Variants in FRAS1 observed in about 807,000 individuals in gnomAD.
FRAS1 encodes extracellular matrix organizing protein FRAS1.
Under a neutral mutation model 435.2 loss-of-function variants are expected in FRAS1, and 290 were observed. The ratio of observed to expected loss-of-function variants is 0.67; its 90% confidence interval spans 0.61 to 0.73. The LOEUF (loss-of-function observed/expected upper bound fraction) is 0.73. FRAS1 is among the 30% of genes least tolerant of loss of function. FRAS1 has a pLI of 0.00. For missense variants in FRAS1, 4,860 were observed against 5,001.5 expected (o/e 0.97, Z 0.85); for synonymous variants, 1,800 against 1,851.0 (o/e 0.97, Z 0.71).
At chr4:78,456,646 C>T (rs540722503) in intron 47 of FRAS1, among the ~76,000 whole-genome samples, 34 of 152,150 alleles carry the variant, frequency 2.2e-4, no homozygotes, top group Non-Finnish European at 3.7e-4. Context: ...TGGTTGTCAC[C>T]CTTAGGGTAC....
chr4:78,522,913 T>C, intron 69 of FRAS1, 105 bp downstream of exon 69: 1 of 1,051,738 alleles, frequency 9.5e-7, no homozygotes, highest in Non-Finnish European at 1.3e-6. Context: ...ACTTTTATTT[T>C]AAAAGGGGAA....
At chr4:78,118,732 C>T (rs1013372196) in intron 2 of FRAS1, among the ~76,000 whole-genome samples, 2 of 152,184 alleles carry the variant, frequency 1.3e-5, no homozygotes, top group Non-Finnish European at 2.9e-5. Context: ...CTTTCTTTGA[C>T]TAGGAAAGGG....
intron 10 of FRAS1, among the ~76,000 whole-genome samples, chr4:78,279,610 G>T (rs1727229418): frequency 6.6e-6 from 1 of 151,562 alleles, no homozygotes; most frequent in Non-Finnish European, 1.5e-5. Flanking sequence ...TTAGATGAGG[G>T]GCAAAACTCT....
chr4:78,317,774 A>G (rs917216882), intron 17 of FRAS1, among the ~76,000 whole-genome samples: 5 of 152,172 alleles, frequency 3.3e-5, no homozygotes, highest in Non-Finnish European at 7.4e-5. Flanking sequence ...AACAAACTAG[A>G]ACTCTTATTT....
chr4:78,205,935 T>G (rs1221708442), intron 2 of FRAS1, among the ~76,000 whole-genome samples: 3 of 152,042 alleles, frequency 2.0e-5, no homozygotes, highest in Non-Finnish European at 4.4e-5. Context: ...GTTGGGTTCT[T>G]GGACAGACCT....
intron 13 of FRAS1, 109 bp from the exon 14 acceptor site, chr4:78,286,296 T>G (rs773764744): frequency 8.1e-7 from 1 of 1,237,286 alleles, no homozygotes; most frequent in Non-Finnish European, 1.2e-6. Flanking sequence ...CATTTTCTGT[T>G]TGGGACCTGG....
At chr4:78,410,228 T>C (rs1357676018) in intron 31 of FRAS1, among the ~76,000 whole-genome samples, 1 of 152,168 alleles carries the variant, frequency 6.6e-6, no homozygotes, top group Non-Finnish European at 1.5e-5. Flanking sequence ...AAGTAGCTGC[T>C]CAAAATAATA....
intron 61 of FRAS1, among the ~76,000 whole-genome samples, chr4:78,501,596 G>T (rs56941652): frequency 0.33 from 49,830 of 151,786 alleles, 8,862 homozygotes; most frequent in South Asian, 0.52. Context: ...CATAAAAGCG[G>T]TCCTATTTCT....
rs190606464 is a variant in FRAS1 at position 78,378,013 on chromosome 4, C to T, written c.3293-1713C>T. Among the ~76,000 whole-genome samples, 128 of 152,172 alleles carry T rather than the reference C, an allele frequency of 8.4e-4. 1 individual carries two copies. The highest frequency in any genetic ancestry group is 2.8e-3 in the African/African-American group (118 of 41,468). On this transcript the variant is annotated intron_variant, in intron 26 of 73. Coordinates refer to ENST00000512123, the MANE Select transcript of FRAS1 (RefSeq NM_025074.7). ...CAAAGTTGTGCAACTATCACCACTA[C>T]CTATTTCCAAAACATTTTCATCACT...
In FRAS1 at chr4:78,267,237, C is replaced by G. The variant is rs921825906; in HGVS notation, c.790-4C>G. ...TGCCCCTCACCTTCCTCTCTGTGTCCTAGGGTCAGAGCAGGGCTCGGCGTC... is the reference window on the plus strand; with the variant it reads ...TGCCCCTCACCTTCCTCTCTGTGTCGTAGGGTCAGAGCAGGGCTCGGCGTC... On this transcript the variant is annotated splice_region_variant and splice_polypyrimidine_tract_variant and intron_variant, in intron 8 of 73. Transcript: ENST00000512123. 4 of 1,613,038 alleles carry G rather than the reference C, an allele frequency of 2.5e-6. No individual in the cohort carries two copies. The African/African-American group carries it at 5.3e-5, about 22-fold the overall frequency.
In FRAS1 at chr4:78,337,063, A is replaced by G. The variant is rs185974374; in HGVS notation, c.2279-611A>G. Among the ~76,000 whole-genome samples, 4 of 151,902 alleles carry G rather than the reference A, an allele frequency of 2.6e-5. No individual in the cohort carries two copies. In the East Asian group the frequency reaches 7.7e-4, roughly 29 times the overall value. On this transcript the variant is annotated intron_variant, in intron 19 of 73. Transcript: ENST00000512123. ...CTTTGGCATAACTTTGTCTCTAAGG[A>G]ATTGAACTTCAGAGGCAGCTCACGA...
intron 2 of FRAS1, among the ~76,000 whole-genome samples, chr4:78,165,877 G>A (rs1439860225): frequency 1.3e-5 from 2 of 152,114 alleles, no homozygotes; most frequent in African/African-American, 4.8e-5. Context: ...AGACACATAC[G>A]AGGCCTCTTG....
At chr4:78,444,590 C>T (rs565115465) in intron 41 of FRAS1, among the ~76,000 whole-genome samples, 2 of 152,316 alleles carry the variant, frequency 1.3e-5, no homozygotes, top group East Asian at 1.9e-4. Flanking sequence ...TGTTTGAAGA[C>T]ACAAGGGTTT....
chr4:78,375,675 C>G (rs1401067127), intron 25 of FRAS1, 64 bp from the exon 26 acceptor site: 1 of 1,441,224 alleles, frequency 6.9e-7, no homozygotes, highest in African/African-American at 1.4e-5. Context: ...GTTGCAAGCC[C>G]TTTATTTCTT....
At chr4:78,412,851 G>C in intron 31 of FRAS1, 118 bp from the exon 32 acceptor site, 1 of 468,620 alleles carries the variant, frequency 2.1e-6, no homozygotes, top group Non-Finnish European at 3.8e-6. Flanking sequence ...AATGAGAGTT[G>C]TAACGCAGGA....
chr4:78,125,788 T>C (rs1242990287), intron 2 of FRAS1, among the ~76,000 whole-genome samples: 1 of 152,190 alleles, frequency 6.6e-6, no homozygotes, highest in Non-Finnish European at 1.5e-5. Flanking sequence ...TTGAGATGTC[T>C]GTCAGCCCCT....
At chr4:78,207,354 A>G (rs1438607864) in intron 2 of FRAS1, among the ~76,000 whole-genome samples, 2 of 152,248 alleles carry the variant, frequency 1.3e-5, no homozygotes, top group Non-Finnish European at 2.9e-5. Context: ...GATTACTTTT[A>G]AATTGCTGTC....
chr4:78,455,420 A>G lies in FRAS1; in HGVS notation c.6763+3066A>G, dbSNP rs1021228833. ...GGTTTACCAGAAGTTGGAGTTGAGGAGGGAGGGGGTTCTGTTATTTCCAAG... is the reference window on the plus strand; with the variant it reads ...GGTTTACCAGAAGTTGGAGTTGAGGGGGGAGGGGGTTCTGTTATTTCCAAG... On this transcript the variant is annotated intron_variant, in intron 47 of 73. Coordinates refer to ENST00000512123, the MANE Select transcript of FRAS1 (RefSeq NM_025074.7). 2.3e-3 allele frequency among the ~76,000 whole-genome samples: 337 copies of G among 149,184 alleles called. 1 individual carries two copies. The highest frequency in any genetic ancestry group is 7.3e-3 in the African/African-American group (287 of 39,146).
chr4:78,146,501 T>C (rs1480928868), intron 2 of FRAS1, among the ~76,000 whole-genome samples: 1 of 152,092 alleles, frequency 6.6e-6, no homozygotes, highest in East Asian at 1.9e-4. Context: ...GAGCTTTTTA[T>C]TATAGAAAAT....
Sources: allele counts gnomAD v4.1 joint callset (sites outside exome capture counted in the v4.1 genomes callset), GRCh38; gene constraint gnomAD v4.1.1; transcripts MANE v1.5; gene names NCBI Gene and HGNC (gene_info 2026-07-23, HGNC 2026-07-21).